Variants in COPZ2 observed in about 807,000 individuals in gnomAD.
COPZ2 encodes coatomer subunit zeta-2.
In COPZ2, 30 loss-of-function variants were observed where a neutral mutation model predicts 33.2. The ratio of observed to expected loss-of-function variants is 0.90; its 90% CI spans 0.68 to 1.23. COPZ2 has a LOEUF of 1.23. COPZ2 is among the 50% of genes most tolerant of loss of function. The probability of loss-of-function intolerance (pLI) is 0.00; values close to 1 mark genes in which losing one functional copy is unlikely to be tolerated. For missense variants in COPZ2, 263 were observed against 262.4 expected, an observed-to-expected ratio of 1.00 and a Z score of -0.02; for synonymous variants, 89 against 102.6, an observed-to-expected ratio of 0.87 and a Z score of 0.80.
chr17:48,043,691 C>T, the COPZ2 span: 2 of 299,128 alleles, frequency 6.7e-6, no homozygotes. Context: ...AGCTCTTCCT[C>T]CAGGCATGAA....
intron 6 of COPZ2, chr17:48,029,566 G>A (rs1441127831): frequency 1.1e-5 from 3 of 274,082 alleles, no homozygotes; most frequent in Non-Finnish European, 2.0e-5. Context: ...GGCCCTGGGG[G>A]TTCTTATCTT....
At chr17:48,042,170 G>T (rs1488128337), upstream of COPZ2, among the ~76,000 whole-genome samples, 1 of 151,958 alleles carries the variant, frequency 6.6e-6, no homozygotes, top group African/African-American at 2.4e-5. Context: ...TTTCACTCTT[G>T]TTGCCCAGGC....
At chr17:48,033,392 T>A in intron 3 of COPZ2, 90 bp from the exon 4 acceptor site, 1 of 759,974 alleles carries the variant, frequency 1.3e-6, no homozygotes. Flanking sequence ...GACTCTCCTA[T>A]TTCCTTCTCC....
intron 8 of COPZ2, 95 bp from the exon 9 acceptor site, chr17:48,026,570 G>T: frequency 4.6e-6 from 4 of 872,250 alleles, no homozygotes; most frequent in Non-Finnish European, 3.7e-6. Flanking sequence ...TTGCCGAAGC[G>T]CCCCTGCAAC....
the COPZ2 span, chr17:48,047,379 G>A: frequency 5.3e-5 from 8 of 152,144 alleles, no homozygotes; most frequent in Non-Finnish European, 1.0e-4. Flanking sequence ...CCACTCCAGG[G>A]TCATTAAATC....
chr17:48,035,759 T>C (rs1427406905), intron 2 of COPZ2, among the ~76,000 whole-genome samples: 1 of 141,380 alleles, frequency 7.1e-6, no homozygotes, highest in Non-Finnish European at 1.6e-5. Context: ...TTTTCTTTTT[T>C]TTTTTTTTTT....
In COPZ2 at chr17:48,037,616, T is replaced by C; in HGVS notation, c.111+51A>G. The C allele has an allele frequency of 9.6e-7, 1 of 1,044,774 alleles. No homozygotes were observed. The highest frequency in any genetic ancestry group is 1.2e-6 in the Non-Finnish European group (1 of 868,708). The allele number at this position is 1,044,774 out of a possible 1,614,324, so 64.7% of individuals were successfully genotyped here. On this transcript the variant is annotated intron_variant, in intron 1 of 8. Transcript: ENST00000621465. The surrounding 1 kb of genome is among the most constrained non-coding windows in gnomAD (Gnocchi z 5.6). ...GGCTGCTCCCCCTAACCCTGCTCTG[T>C]CCCTGCCCAGCTCCCGCCGCCCGGG... is the stretch of plus-strand genomic sequence containing the variant.
In COPZ2 at chr17:48,037,237, C is replaced by CG. The variant is rs755778813; in HGVS notation, c.112-313dup. 228 of 600,964 alleles carry CG rather than the reference C, an allele frequency of 3.8e-4. No individual in the cohort carries two copies. Among genetic ancestry groups the CG allele is most frequent in the South Asian group, 4.4e-4 (29 of 65,700 alleles). The allele number at this position is 600,964 out of a possible 1,614,324, so 37.2% of individuals were successfully genotyped here. On this transcript the variant is annotated intron_variant, in intron 1 of 8. Coordinates refer to ENST00000621465, the MANE Select transcript of COPZ2 (RefSeq NM_016429.4). The surrounding 1 kb of genome is among the most constrained non-coding windows in gnomAD (Gnocchi z 5.6). The stretch of plus-strand genomic sequence containing the variant: ...TCGGAGTGTATCACAGAACCTGGGC[C>CG]GGGGGGGACAGCGGGCCGAGCCTCC...
In COPZ2 at chr17:48,037,588, G is replaced by C. The variant is rs546081838; in HGVS notation, c.111+79C>G. ...CAGCCGCCGGGCGCGCGAGTTCTGA[G>C]TTGGCTGCTCCCCCTAACCCTGCTC... On this transcript the variant is annotated intron_variant, in intron 1 of 8. Coordinates refer to ENST00000621465, the MANE Select transcript of COPZ2 (RefSeq NM_016429.4). The surrounding 1 kb of genome is among the most constrained non-coding windows in gnomAD (Gnocchi z 5.6). 4.1e-4 allele frequency: 425 copies of C among 1,042,996 alleles called. No individual in the cohort carries two copies. Among genetic ancestry groups the C allele is most frequent in the Non-Finnish European group, 4.7e-4 (409 of 861,466 alleles). The allele number at this position is 1,042,996 out of a possible 1,614,324, so 64.6% of individuals were successfully genotyped here. A position where few individuals can be genotyped will look rare whatever the true frequency, so the allele number is the denominator to read the frequency against.
chr17:48,038,855 A>G (rs2037031953), upstream of COPZ2, among the ~76,000 whole-genome samples: 1 of 152,240 alleles, frequency 6.6e-6, no homozygotes, highest in African/African-American at 2.4e-5. Context: ...CTGAAATATA[A>G]TTACCAAAAG....
chr17:48,041,877 C>T (rs531373286), upstream of COPZ2, among the ~76,000 whole-genome samples: 19 of 151,072 alleles, frequency 1.3e-4, no homozygotes, highest in South Asian at 4.0e-3. Context: ...ATTTCTCAGC[C>T]TCTGTTTGGC....
chr17:48,027,437 A>G (rs968723839), intron 8 of COPZ2, among the ~76,000 whole-genome samples: 2 of 152,222 alleles, frequency 1.3e-5, no homozygotes, highest in African/African-American at 4.8e-5. Flanking sequence ...AGAGAGGTTG[A>G]GTAACTTGCC....
At chr17:48,031,697 C>T in intron 6 of COPZ2, 1 of 180,650 alleles carries the variant, frequency 5.5e-6, no homozygotes, top group East Asian at 1.5e-4. Flanking sequence ...TTACCTCCAT[C>T]CTAAAGATGG....
chr17:48,044,254 G>C, the COPZ2 span, among the ~76,000 whole-genome samples: 71 of 152,086 alleles, frequency 4.7e-4, no homozygotes, highest in Non-Finnish European at 9.4e-4. Context: ...GGCTGAAGCA[G>C]GAGAATCGCT....
intron 6 of COPZ2, among the ~76,000 whole-genome samples, chr17:48,030,074 A>C (rs1297584333): frequency 6.6e-6 from 1 of 152,164 alleles, no homozygotes; most frequent in East Asian, 1.9e-4. Flanking sequence ...TCACAAGGTG[A>C]AGAGTTCGAG....
chr17:48,034,932 G>A (rs566379903), intron 2 of COPZ2, among the ~76,000 whole-genome samples: 1 of 152,302 alleles, frequency 6.6e-6, no homozygotes, highest in African/African-American at 2.4e-5. Context: ...GTTGCAGTGA[G>A]CTGAGATCGC....
the COPZ2 span, chr17:48,046,478 A>G: frequency 6.6e-6 from 1 of 152,134 alleles, no homozygotes; most frequent in Admixed American, 6.6e-5. Context: ...TTTTGTAGCG[A>G]CGGGGGTCTC....
chr17:48,034,736 A>T (rs1201774262), intron 2 of COPZ2, among the ~76,000 whole-genome samples: 1 of 152,012 alleles, frequency 6.6e-6, no homozygotes, highest in Non-Finnish European at 1.5e-5. Flanking sequence ...TAATCTCAGC[A>T]CTTTGGGAGG....
chr17:48,040,146 AC>A (rs2037048131), upstream of COPZ2, among the ~76,000 whole-genome samples: 1 of 119,450 alleles, frequency 8.4e-6, no homozygotes, highest in Non-Finnish European at 1.7e-5. Context: ...ACACACACAC[AC>A]ACACACAAAC....
Sources: gnomAD v4.1 joint callset for allele counts (sites outside exome capture counted in the v4.1 genomes callset) on GRCh38, gnomAD v4.1.1 for gene constraint, Gnocchi (gnomAD v3.1) non-coding constraint, MANE v1.5 for transcripts, NCBI Gene and HGNC (gene_info 2026-07-23, HGNC 2026-07-21) for gene names.